Variants in PTTG1IP2 observed in about 807,000 individuals in gnomAD.
PTTG1IP2 encodes the protein PTTG1IP family member 2.
chr7:90,491,343 C>T (rs1450082618), intron 4 of PTTG1IP2, among the ~76,000 whole-genome samples: 1 of 152,178 alleles, frequency 6.6e-6, no homozygotes, highest in Non-Finnish European at 1.5e-5. Context: ...AAAGATCAGG[C>T]CGGGTGTGCT....
At chr7:90,480,373 T>C (rs1797802119) in intron 2 of PTTG1IP2, among the ~76,000 whole-genome samples, 1 of 152,190 alleles carries the variant, frequency 6.6e-6, no homozygotes, top group African/African-American at 2.4e-5. Flanking sequence ...TTCACCTGAA[T>C]ACAATATTCT....
At chr7:90,496,479 T>C (rs185132544) in intron 6 of PTTG1IP2, among the ~76,000 whole-genome samples, 29 of 152,322 alleles carry the variant, frequency 1.9e-4, no homozygotes, top group Non-Finnish European at 1.2e-4. Context: ...GTGGTATCAG[T>C]TGTAATGTCT....
chr7:90,508,138 A>AC (rs1214887108), intron 6 of PTTG1IP2, among the ~76,000 whole-genome samples: 3 of 151,834 alleles, frequency 2.0e-5, no homozygotes, highest in African/African-American at 7.3e-5. Flanking sequence ...GTGGTGGTGC[A>AC]CGCCTATAGT....
chr7:90,498,527 T>C (rs1258424253), intron 6 of PTTG1IP2, among the ~76,000 whole-genome samples: 3 of 152,160 alleles, frequency 2.0e-5, no homozygotes, highest in African/African-American at 7.2e-5. Context: ...GCTATACTTA[T>C]ATCAAACAAA....
At position 90,494,407 on chromosome 7, in the gene PTTG1IP2, G is replaced by A. The variant is rs2116093388; in HGVS notation, c.*27G>A. The A allele has an allele frequency of 6.6e-6, 1 of 152,300 alleles. No individual in the cohort carries two copies. The highest frequency in any genetic ancestry group is 2.1e-4 in the South Asian group (1 of 4,828). The allele number at this position is 152,300 out of a possible 1,614,324, so 9.4% of individuals were successfully genotyped here. A position where few individuals can be genotyped will look rare whatever the true frequency, so the allele number is the denominator to read the frequency against. On this transcript the variant is annotated 3_prime_UTR_variant, in exon 6 of 7. Transcript: ENST00000509356. ...TAATTGAAAAGAGATCCTCCAGAAA[G>A]AGCAGAAGGAAGTTTCTTCAATGGT...
rs530190842 is a variant in PTTG1IP2, at chr7:90,489,343, A to AT, written c.380+387dup. Among the ~76,000 whole-genome samples the AT allele has an allele frequency of 7.0e-3, 1,057 of 150,724 alleles. 5 individuals carry two copies. Among genetic ancestry groups the AT allele is most frequent in the Non-Finnish European group, 0.011 (739 of 67,466 alleles). On this transcript the variant is annotated intron_variant, in intron 4 of 6. Transcript: ENST00000509356. ...GAAAAATTTATCTTGCACTATACAC[A>AT]TTTTTTTTGCTATTAGTAGGTATTA...
At chr7:90,505,282 C>T (rs1162642215) in intron 6 of PTTG1IP2, among the ~76,000 whole-genome samples, 1 of 152,194 alleles carries the variant, frequency 6.6e-6, no homozygotes. Flanking sequence ...GCCAAATCCA[C>T]AAACATGGAT....
intron 6 of PTTG1IP2, among the ~76,000 whole-genome samples, chr7:90,494,879 A>T (rs946367897): frequency 2.0e-5 from 3 of 152,148 alleles, no homozygotes; most frequent in Non-Finnish European, 4.4e-5. Context: ...GCATGGTTGC[A>T]TGTGCCTGTA....
chr7:90,491,077 TA>T (rs770469079), intron 4 of PTTG1IP2, among the ~76,000 whole-genome samples: 3 of 152,186 alleles, frequency 2.0e-5, no homozygotes, highest in Non-Finnish European at 4.4e-5. Flanking sequence ...CTTTTTCTTT[TA>T]AAAAAATACC....
At position 90,507,111 on chromosome 7, in the gene PTTG1IP2, T is replaced by A. The variant is rs573512494; in HGVS notation, c.*51-6167T>A. Among the ~76,000 whole-genome samples the A allele has an allele frequency of 2.0e-5, 3 of 152,348 alleles. No homozygotes were observed. The South Asian group carries it at 6.2e-4, about 32-fold the overall frequency. ...AATTCTTGGGAGGACCAGCACTTGT[T>A]TTTTGCGAAGTTAGTTATAATAATT... On this transcript the variant is annotated intron_variant, in intron 6 of 6. Coordinates refer to ENST00000509356, the MANE Select transcript of PTTG1IP2 (RefSeq NM_001365443.2).
chr7:90,479,559 A>G (rs1035020217), intron 2 of PTTG1IP2, among the ~76,000 whole-genome samples: 34 of 152,218 alleles, frequency 2.2e-4, no homozygotes, highest in African/African-American at 8.2e-4. Context: ...ATTTTGGAAT[A>G]ATTTTTGTAA....
At chr7:90,497,713 T>TAAA (rs1491565834) in intron 6 of PTTG1IP2, among the ~76,000 whole-genome samples, 1,884 of 49,544 alleles carry the variant, frequency 0.038, 550 homozygotes, top group East Asian at 0.11. Context: ...AAAGACCCTG[T>TAAA]ATAAAAAAAA....
chr7:90,492,921 T>C (rs1200504888), intron 5 of PTTG1IP2, among the ~76,000 whole-genome samples: 1 of 152,122 alleles, frequency 6.6e-6, no homozygotes, highest in Non-Finnish European at 1.5e-5. Context: ...CTTTCCCTTA[T>C]CCAGGACTCA....
chr7:90,511,996 C>T (rs62471774), intron 6 of PTTG1IP2, among the ~76,000 whole-genome samples: 2 of 152,176 alleles, frequency 1.3e-5, no homozygotes, highest in Non-Finnish European at 1.5e-5. Context: ...ATAGCAGCTG[C>T]AATAGCAGCA....
chr7:90,509,135 C>T (rs1056696634), intron 6 of PTTG1IP2, among the ~76,000 whole-genome samples: 2 of 126,878 alleles, frequency 1.6e-5, no homozygotes, highest in Non-Finnish European at 3.3e-5. Context: ...TTTGGAGGGG[C>T]GGACAACAGC....
chr7:90,504,307 C>T (rs370620104), intron 6 of PTTG1IP2, among the ~76,000 whole-genome samples: 1 of 148,880 alleles, frequency 6.7e-6, no homozygotes, highest in African/African-American at 2.5e-5. Context: ...CAGAGTGAGA[C>T]TCCATGTCAA....
At position 90,488,877 on chromosome 7, in the gene PTTG1IP2, T is replaced by G. The variant is rs1797907071; in HGVS notation, c.293T>G (p.Met98Arg). The G allele has an allele frequency of 6.6e-6, 1 of 151,990 alleles. No individual in the cohort carries two copies. Among genetic ancestry groups the G allele is most frequent in the Admixed American group, 6.5e-5 (1 of 15,268 alleles). 9.4% of individuals were successfully genotyped at this position (151,990 alleles called of 1,614,324 possible). A position where few individuals can be genotyped will look rare whatever the true frequency, so the allele number is the denominator to read the frequency against. The change falls in exon 4 of 7, where the codon ATG becomes AGG. Residue 98 changes from methionine (M) to arginine (R), a missense_variant. Physicochemically the swap from Met to Arg is moderately conservative, Grantham distance 91 (BLOSUM62 -1). Coordinates refer to ENST00000509356, the MANE Select transcript of PTTG1IP2 (RefSeq NM_001365443.2). ...SIYWLNCKVD[M>R]FGIMMLLLIA... ...TTCTTTTTATACATTTCAGTTGACATGTTTGGAATCATGATGCTTCTACTC... is the reference window on the plus strand; with the variant it reads ...TTCTTTTTATACATTTCAGTTGACAGGTTTGGAATCATGATGCTTCTACTC...
In PTTG1IP2 at chr7:90,505,218, C is replaced by T. The variant is rs193089425; in HGVS notation, c.*51-8060C>T. Among the ~76,000 whole-genome samples the T allele has an allele frequency of 2.8e-3, 422 of 152,250 alleles. 1 individual carries two copies. Among genetic ancestry groups the T allele is most frequent in the Non-Finnish European group, 4.7e-3 (321 of 68,020 alleles). On this transcript the variant is annotated intron_variant, in intron 6 of 6. Coordinates refer to ENST00000509356, the MANE Select transcript of PTTG1IP2 (RefSeq NM_001365443.2). ...TTTAACCATATTTGAAAAGGGTATT[C>T]GATGCCTTTTCAGAAAAAGGCAATA...
intron 1 of PTTG1IP2, among the ~76,000 whole-genome samples, chr7:90,477,167 C>A (rs1191868073): frequency 1.3e-5 from 2 of 152,068 alleles, no homozygotes; most frequent in African/African-American, 4.8e-5. Flanking sequence ...TAATCAAGAG[C>A]AAAGAAGTAA....
Sources: gnomAD v4.1 joint callset for allele counts (sites outside exome capture counted in the v4.1 genomes callset) on GRCh38, gnomAD v4.1.1 for gene constraint, MANE v1.5 for transcripts, NCBI Gene and HGNC (gene_info 2026-07-23, HGNC 2026-07-21) for gene names.